HEMK2: variants seen among roughly 807,000 people sequenced by gnomAD.
The protein encoded by HEMK2 is HemK methyltransferase 2, ETF1 glutamine and histone H4 lysine, also known as methyltransferase HEMK2.
the HEMK2 span, chr21:28,878,261 G>A: frequency 6.2e-7 from 1 of 1,608,902 alleles, no homozygotes; most frequent in Non-Finnish European, 8.5e-7. Flanking sequence ...GGAACCAGGG[G>A]AAAAAACCTG....
the HEMK2 span, among the ~76,000 whole-genome samples, chr21:28,642,573 C>A: frequency 9.2e-5 from 14 of 152,330 alleles, no homozygotes; most frequent in South Asian, 1.4e-3. Context: ...GCCCTCTCAA[C>A]ACCAGGGTTC....
chr21:28,863,434 A>T, the HEMK2 span, among the ~76,000 whole-genome samples: 1,756 of 72,888 alleles, frequency 0.024, 134 homozygotes, highest in Middle Eastern at 0.042. Context: ...ATATATATAT[A>T]TATATATATA....
the HEMK2 span, among the ~76,000 whole-genome samples, chr21:28,745,843 G>C: frequency 6.6e-6 from 1 of 152,146 alleles, no homozygotes; most frequent in Non-Finnish European, 1.5e-5. Flanking sequence ...ATGTATACAA[G>C]AACATGTGAG....
At chr21:28,607,720 T>C in the HEMK2 span, among the ~76,000 whole-genome samples, 5 of 152,212 alleles carry the variant, frequency 3.3e-5, no homozygotes, top group Non-Finnish European at 5.9e-5. Context: ...CATTGAGAAG[T>C]TGCTCAATAC....
chr21:28,706,345 T>C, the HEMK2 span, among the ~76,000 whole-genome samples: 1 of 152,228 alleles, frequency 6.6e-6, no homozygotes, highest in African/African-American at 2.4e-5. Flanking sequence ...TTAACGACTC[T>C]ATAACATCCT....
chr21:28,803,961 T>G, the HEMK2 span, among the ~76,000 whole-genome samples: 1 of 152,244 alleles, frequency 6.6e-6, no homozygotes, highest in African/African-American at 2.4e-5. Context: ...CTTGTTACAG[T>G]TGCAGTTATC....
the HEMK2 span, among the ~76,000 whole-genome samples, chr21:28,729,827 C>T: frequency 3.3e-5 from 5 of 152,066 alleles, no homozygotes; most frequent in African/African-American, 7.3e-5. Context: ...TTTTAGAAGA[C>T]GGGTTGTCGA....
At chr21:28,731,815 A>G in the HEMK2 span, among the ~76,000 whole-genome samples, 1 of 44,230 alleles carries the variant, frequency 2.3e-5, no homozygotes, top group Non-Finnish European at 3.5e-5. Context: ...GGCTAGAGAG[A>G]AAAGAGAAGT....
the HEMK2 span, among the ~76,000 whole-genome samples, chr21:28,695,401 C>T: frequency 6.6e-6 from 1 of 152,048 alleles, no homozygotes; most frequent in African/African-American, 2.4e-5. Flanking sequence ...TAAAGACATA[C>T]CCAAGACTGG....
the HEMK2 span, among the ~76,000 whole-genome samples, chr21:28,846,422 A>G: frequency 3.9e-5 from 6 of 152,178 alleles, no homozygotes; most frequent in Non-Finnish European, 7.4e-5. Context: ...CCAGCAATAT[A>G]TAAGTGTTCC....
the HEMK2 span, among the ~76,000 whole-genome samples, chr21:28,654,140 G>A: frequency 6.6e-6 from 1 of 152,162 alleles, no homozygotes; most frequent in South Asian, 2.1e-4. Flanking sequence ...ATGTGGATTT[G>A]AGTCACAGAA....
chr21:28,677,562 C>A, the HEMK2 span, among the ~76,000 whole-genome samples: 1 of 152,216 alleles, frequency 6.6e-6, no homozygotes, highest in African/African-American at 2.4e-5. Context: ...GTTCTCCCAG[C>A]ACGCAGCTGG....
At chr21:28,852,567 G>C in the HEMK2 span, among the ~76,000 whole-genome samples, 65,045 of 151,890 alleles carry the variant, frequency 0.43, 15,746 homozygotes, top group East Asian at 0.8. Flanking sequence ...AGCTAGAGGT[G>C]TCCTTGGGAA....
chr21:28,798,427 G>A, the HEMK2 span, among the ~76,000 whole-genome samples: 1 of 152,126 alleles, frequency 6.6e-6, no homozygotes, highest in African/African-American at 2.4e-5. Flanking sequence ...TAGAGTTTCT[G>A]TGAGAATAAA....
At chr21:28,683,183 C>A in the HEMK2 span, among the ~76,000 whole-genome samples, 1 of 151,684 alleles carries the variant, frequency 6.6e-6, no homozygotes, top group African/African-American at 2.4e-5. Flanking sequence ...CACAAGAGAA[C>A]ACTTCATAAG....
chr21:28,587,066 A>T, the HEMK2 span, among the ~76,000 whole-genome samples: 16 of 152,310 alleles, frequency 1.1e-4, no homozygotes, highest in South Asian at 2.7e-3. Context: ...AAACCCAGTA[A>T]GAGACAGTTT....
At chr21:28,812,014 A>G in the HEMK2 span, among the ~76,000 whole-genome samples, 1 of 152,198 alleles carries the variant, frequency 6.6e-6, no homozygotes, top group East Asian at 1.9e-4. Flanking sequence ...CAGATGTGTT[A>G]TGGATCCACG....
At chr21:28,703,786 G>T in the HEMK2 span, among the ~76,000 whole-genome samples, 1 of 152,074 alleles carries the variant, frequency 6.6e-6, no homozygotes, top group Non-Finnish European at 1.5e-5. Context: ...AAGTACATTC[G>T]TCCCGTGTAA....
At chr21:28,785,918 G>A in the HEMK2 span, among the ~76,000 whole-genome samples, 1 of 152,182 alleles carries the variant, frequency 6.6e-6, no homozygotes, top group African/African-American at 2.4e-5. Flanking sequence ...TCATACTCAT[G>A]TCTTATTTGA....
Sources: gnomAD v4.1 joint callset for allele counts (sites outside exome capture counted in the v4.1 genomes callset) on GRCh38, gnomAD v4.1.1 for gene constraint, MANE v1.5 for transcripts, NCBI Gene and HGNC (gene_info 2026-07-23, HGNC 2026-07-21) for gene names.